FBL: variants seen among roughly 807,000 people sequenced by gnomAD.
FBL encodes rRNA 2'-O-methyltransferase fibrillarin.
A neutral mutation model predicts 42.2 loss-of-function variants in FBL; 10 were observed. The observed-to-expected ratio is 0.24, with a 90% CI of 0.15 to 0.40. FBL has a LOEUF of 0.40. Among genes scored for constraint, FBL ranks in the 10% least tolerant of loss-of-function variants. The pLI is 1.00. For missense variants in FBL, 351 were observed against 439.2 expected, an observed-to-expected ratio of 0.80 and a Z score of 1.79; for synonymous variants, 165 against 165.4, an observed-to-expected ratio of 1.00 and a Z score of 0.02.
At position 39,836,555 on chromosome 19, in the gene FBL, C is replaced by T; in HGVS notation, c.795+1G>A. On this transcript the variant is annotated splice_donor_variant, in intron 7 of 8. Transcript: ENST00000221801. LOFTEE classifies it high-confidence loss of function. ...ATCTTAGACTCTTCCAAACCCCGCA[C>T]CTTAATGGAAATCACAAAGTGTCCT... The T allele has an allele frequency of 6.2e-7, 1 of 1,605,666 alleles. No homozygotes were observed. The highest frequency in any genetic ancestry group is 8.5e-7 in the Non-Finnish European group (1 of 1,172,390).
rs1969144825 is a variant in FBL, at chr19:39,840,655, C to T, written c.143G>A (p.Gly48Asp). ...TCCTCCACCGCCGCCGCCGCCTCCA[C>T]CTCCTCCTCGTCCACGACCTCTAAA... ...GGFRGRGRGGGGGGGGGGGGG... is the reference protein window; with the variant it reads ...GGFRGRGRGGDGGGGGGGGGG... The change falls in exon 2 of 9, where the codon GGT (glycine) becomes GAT (aspartate). Residue 48 changes from glycine to aspartate, a missense_variant. Physicochemically the swap from Gly to Asp is moderately conservative, Grantham distance 94 (BLOSUM62 -1). Coordinates refer to ENST00000221801, the MANE Select transcript of FBL (RefSeq NM_001436.4). The surrounding 1 kb of genome is among the most constrained non-coding windows in gnomAD (Gnocchi z 4.5). 1 of 1,611,158 alleles carries T rather than the reference C, an allele frequency of 6.2e-7. No homozygotes were observed. Among genetic ancestry groups the T allele is most frequent in the Non-Finnish European group, 8.5e-7 (1 of 1,178,660 alleles).
chr19:39,840,402 T>A lies in FBL; in HGVS notation c.283+12A>T. ...CCCGAAGCTCAGCCGGCTCCCTGCC[T>A]TCCTCACTCACCCTCATGCCGATGC... On this transcript the variant is annotated intron_variant, in intron 3 of 8. Transcript: ENST00000221801. The surrounding 1 kb of genome is among the most constrained non-coding windows in gnomAD (Gnocchi z 4.5). 2 of 1,613,606 alleles carry A rather than the reference T, an allele frequency of 1.2e-6. No homozygotes were observed. The highest frequency in any genetic ancestry group is 1.7e-6 in the Non-Finnish European group (2 of 1,179,564).
At chr19:39,836,803 G>A (rs1969057686) in intron 6 of FBL, 135 bp from the exon 7 acceptor site, 1 of 608,900 alleles carries the variant, frequency 1.6e-6, no homozygotes, top group South Asian at 2.0e-5. Flanking sequence ...CACCTCCACT[G>A]GTCCCCCTCC....
intron 1 of FBL, among the ~76,000 whole-genome samples, chr19:39,844,905 C>T (rs575065150): frequency 6.6e-6 from 1 of 152,342 alleles, no homozygotes; most frequent in South Asian, 2.1e-4. Flanking sequence ...TACAACTTCA[C>T]ATTCTACCAC....
In FBL at chr19:39,846,360, G is replaced by C; in HGVS notation, c.-60C>G. ...GGCGTTCACAACTCCACGAGTCCGGGGCTTTCGCACGTGGAAAAGAGCGCA... is the reference window on the plus strand; with the variant it reads ...GGCGTTCACAACTCCACGAGTCCGGCGCTTTCGCACGTGGAAAAGAGCGCA... On this transcript the variant is annotated 5_prime_UTR_variant, in exon 1 of 9. Transcript: ENST00000221801. 4 of 1,604,194 alleles carry C rather than the reference G, an allele frequency of 2.5e-6. No individual in the cohort carries two copies. Among genetic ancestry groups the C allele is most frequent in the Non-Finnish European group, 3.4e-6 (4 of 1,174,986 alleles).
intron 7 of FBL, 84 bp downstream of exon 7, chr19:39,836,472 G>C (rs1305087150): frequency 3.6e-6 from 3 of 836,734 alleles, no homozygotes; most frequent in African/African-American, 3.4e-5. Context: ...CCTCTGTTTT[G>C]GGTGGCTATT....
At chr19:39,844,530 C>T (rs751640728) in intron 1 of FBL, among the ~76,000 whole-genome samples, 2 of 152,200 alleles carry the variant, frequency 1.3e-5, no homozygotes, top group Non-Finnish European at 2.9e-5. Flanking sequence ...CCACAGCCTT[C>T]TCCATCTCAA....
rs949068763 is a variant in FBL at position 39,835,405 on chromosome 19, C to A, written c.796-592G>T. Among the ~76,000 whole-genome samples, 3 of 151,934 alleles carry A rather than the reference C, an allele frequency of 2.0e-5. No homozygotes were observed. The East Asian group carries it at 5.8e-4, about 29-fold the overall frequency. On this transcript the variant is annotated intron_variant, in intron 7 of 8. Coordinates refer to ENST00000221801, the MANE Select transcript of FBL (RefSeq NM_001436.4). ...GTGGTGGCGCACACCTGTAGTCCCA[C>A]CTACTCGGGAAGCTGACGCAGGAGA...
In FBL at chr19:39,840,884, C is replaced by T; in HGVS notation, c.11-97G>A. The T allele has an allele frequency of 8.4e-7, 1 of 1,190,968 alleles. No individual in the cohort carries two copies. The highest frequency in any genetic ancestry group is 1.7e-5 in the South Asian group (1 of 58,476). The allele number at this position is 1,190,968 out of a possible 1,614,324, so 73.8% of individuals were successfully genotyped here. ...CCTCTCAGGTGAGAAACCTGAAATA[C>T]ATGTGCCCGTGTACAGCAGGACACA... On this transcript the variant is annotated intron_variant, in intron 1 of 8. Transcript: ENST00000221801. This position sits in a 1 kb window ranked among gnomAD's most constrained non-coding sequence, Gnocchi z 4.5.
At chr19:39,838,281 T>TTC (rs1318301219) in intron 5 of FBL, 1 of 157,296 alleles carries the variant, frequency 6.4e-6, no homozygotes, top group African/African-American at 2.4e-5. Flanking sequence ...TTTTTTTTTT[T>TTC]TTTGAGTCTC....
Position 39,839,166 on chromosome 19 carries a change from AG to A in FBL, c.417del (p.Phe140SerfsTer5). ...ATTGCTGCTGCTAGCTTGGAGCGGAAGGGGTTCCAGGCTCGGTACTCAATTT... is the reference window on the plus strand; with the variant it reads ...ATTGCTGCTGCTAGCTTGGAGCGGAAGGGTTCCAGGCTCGGTACTCAATTT... ...DDKIEYRAWNPFRSKLAAAIL... is the reference protein window; with the variant it reads ...DDKIEYRAWNXFRSKLAAAIL... On this transcript the variant is annotated frameshift_variant, in exon 5 of 9. Transcript: ENST00000221801. LOFTEE classifies it high-confidence loss of function. The A allele has an allele frequency of 6.2e-7, 1 of 1,613,748 alleles. No individual in the cohort carries two copies. Among genetic ancestry groups the A allele is most frequent in the Non-Finnish European group, 8.5e-7 (1 of 1,179,798 alleles).
chr19:39,845,729 A>G (rs969235402), intron 1 of FBL, among the ~76,000 whole-genome samples: 10 of 152,240 alleles, frequency 6.6e-5, no homozygotes, highest in Non-Finnish European at 5.9e-5. Flanking sequence ...TAAGTGCAGA[A>G]GGCGGGAAAG....
At position 39,840,319 on chromosome 19, in the gene FBL, T is replaced by C; in HGVS notation, c.292A>G (p.Ile98Val). ...VEPHRHEGVF[I>V]CRGKEDALVT... Reference sequence around the variant, plus strand: ...AGTGCATCTTCCTTTCCTCGACAAATGAAGACACCTGGGTGAGGGGATCAG... The same window carrying C: ...AGTGCATCTTCCTTTCCTCGACAAACGAAGACACCTGGGTGAGGGGATCAG... Residue 98 changes from isoleucine (I) to valine (V), a missense_variant, in exon 4 of 9, where the codon ATT becomes GTT. Physicochemically the swap from Ile to Val is conservative, Grantham distance 29. Transcript: ENST00000221801. The surrounding 1 kb of genome is among the most constrained non-coding windows in gnomAD (Gnocchi z 4.5). 1 of 1,613,878 alleles carries C rather than the reference T, an allele frequency of 6.2e-7. No homozygotes were observed. The highest frequency in any genetic ancestry group is 8.5e-7 in the Non-Finnish European group (1 of 1,179,822).
chr19:39,834,963 G>GT, intron 7 of FBL, 150 bp from the exon 8 acceptor site: 1 of 815,578 alleles, frequency 1.2e-6, no homozygotes, highest in South Asian at 1.8e-5. Flanking sequence ...TGTTGGAAAC[G>GT]TAACCCTTAA....
chr19:39,840,841 AC>A lies in FBL; in HGVS notation c.11-55del, dbSNP rs1568541660. The stretch of plus-strand genomic sequence containing the variant: ...GCAATGAAGCTTAAAAGGTTAAACC[AC>A]CTTGTACCCAGCAATACCTCTCAGG... On this transcript the variant is annotated intron_variant, in intron 1 of 8. Coordinates refer to ENST00000221801, the MANE Select transcript of FBL (RefSeq NM_001436.4). This position sits in a 1 kb window ranked among gnomAD's most constrained non-coding sequence, Gnocchi z 4.5. The A allele has an allele frequency of 6.9e-7, 1 of 1,451,874 alleles. No individual in the cohort carries two copies. Among genetic ancestry groups the A allele is most frequent in the African/African-American group, 1.4e-5 (1 of 69,904 alleles). The allele number at this position is 1,451,874 out of a possible 1,614,324, so 89.9% of individuals were successfully genotyped here.
At chr19:39,837,891 T>C (rs1445332497) in intron 5 of FBL, 48 bp from the exon 6 acceptor site, 3 of 1,564,852 alleles carry the variant, frequency 1.9e-6, no homozygotes, top group Admixed American at 3.6e-5. Context: ...TTCTCATGCA[T>C]GGAGTGCCTA....
At chr19:39,845,546 G>A in intron 1 of FBL, among the ~76,000 whole-genome samples, 1 of 152,116 alleles carries the variant, frequency 6.6e-6, no homozygotes, top group East Asian at 1.9e-4. Context: ...CACCATGAAG[G>A]GAGTGGTTTC....
At chr19:39,843,458 T>C (rs571709690) in intron 1 of FBL, among the ~76,000 whole-genome samples, 4 of 152,282 alleles carry the variant, frequency 2.6e-5, no homozygotes, top group Non-Finnish European at 4.4e-5. Flanking sequence ...GAAAACTTCA[T>C]CTGTAAGACA....
rs1969263315 is a variant in FBL, at chr19:39,846,346, C to G, written c.-46G>C. ...GCTCCGGAGTCCGCGGCGTTCACAA[C>G]TCCACGAGTCCGGGGCTTTCGCACG... On this transcript the variant is annotated 5_prime_UTR_variant, in exon 1 of 9. Coordinates refer to ENST00000221801, the MANE Select transcript of FBL (RefSeq NM_001436.4). 1.2e-6 allele frequency: 2 copies of G among 1,610,860 alleles called. No individual in the cohort carries two copies. The highest frequency in any genetic ancestry group is 1.7e-6 in the Non-Finnish European group (2 of 1,178,614).
Sources: allele counts gnomAD v4.1 joint callset (sites outside exome capture counted in the v4.1 genomes callset), GRCh38; gene constraint gnomAD v4.1.1; non-coding constraint Gnocchi (gnomAD v3.1); transcripts MANE v1.5; gene names NCBI Gene and HGNC (gene_info 2026-07-23, HGNC 2026-07-21).